PCDH11Y: variants seen among roughly 807,000 people sequenced by gnomAD.
PCDH11Y encodes the protein protocadherin-11 Y-linked.
For missense variants in PCDH11Y, 12 were observed against 224.8 expected (o/e 0.05, Z 6.05); for synonymous variants, 9 against 83.6 (o/e 0.11, Z 4.87).
At chrY:5,589,190 T>C (rs2053458428) in intron 4 of PCDH11Y, among the ~76,000 whole-genome samples, 1 of 32,954 alleles carries the variant, frequency 3.0e-5, no homozygotes, top group Admixed American at 2.8e-4. Context: ...ATAATTCCCA[T>C]GGGTTGTGGG....
rs1261266115 is a variant in PCDH11Y at position 5,278,151 on chromosome Y, CT to C, written c.3129+177463del. On this transcript the variant is annotated intron_variant, in intron 2 of 4. Transcript: ENST00000400457. The stretch of plus-strand genomic sequence containing the variant: ...CGGAAGAACTGACATTGAACTGAGT[CT>C]TTTTTTTTTTTTTTTTTTAAGACAG... Among the ~76,000 whole-genome samples, 104 of 21,489 alleles carry C rather than the reference CT, an allele frequency of 4.8e-3. No homozygotes were observed. The East Asian group carries it at 0.08, about 17-fold the overall frequency. The allele number at this position is 21,489 out of a possible 37,273, so 57.7% of individuals were successfully genotyped here. A position where few individuals can be genotyped will look rare whatever the true frequency, so the allele number is the denominator to read the frequency against.
chrY:5,165,893 T>C, intron 2 of PCDH11Y, among the ~76,000 whole-genome samples: 1 of 32,603 alleles, frequency 3.1e-5, no homozygotes, highest in East Asian at 8.1e-4. Flanking sequence ...AGAAAGACAT[T>C]AAAAGAAGAA....
chrY:5,370,213 T>C, intron 2 of PCDH11Y, among the ~76,000 whole-genome samples: 1 of 33,034 alleles, frequency 3.0e-5, no homozygotes, highest in Non-Finnish European at 7.4e-5. Context: ...CCCAAATATC[T>C]ACAGCTTTTA....
rs2124648480 is a variant in PCDH11Y, at chrY:5,192,235, G to A, written c.3129+91528G>A. Reference sequence around the variant, plus strand: ...TTGTCTTCTACGAAACCAGTCCCTGGTGCCAAAAAGGTTGGGGACCACTGT... The same window carrying A: ...TTGTCTTCTACGAAACCAGTCCCTGATGCCAAAAAGGTTGGGGACCACTGT... On this transcript the variant is annotated intron_variant, in intron 2 of 4. Transcript: ENST00000400457. Among the ~76,000 whole-genome samples, 3 of 30,272 alleles carry A rather than the reference G, an allele frequency of 9.9e-5. No homozygotes were observed. The East Asian group carries it at 2.7e-3, about 27-fold the overall frequency. The allele number at this position is 30,272 out of a possible 37,273, so 81.2% of individuals were successfully genotyped here.
intron 2 of PCDH11Y, among the ~76,000 whole-genome samples, chrY:5,367,608 G>A (rs2053182140): frequency 1.1e-4 from 3 of 26,307 alleles, no homozygotes; most frequent in South Asian, 9.8e-4. Context: ...GGATGGTCTC[G>A]ATCTCCTGAC....
chrY:5,445,778 T>C, intron 2 of PCDH11Y, among the ~76,000 whole-genome samples: 2 of 33,138 alleles, frequency 6.0e-5, no homozygotes, highest in Non-Finnish European at 1.5e-4. Flanking sequence ...AATTATGATA[T>C]TGAAGTTATG....
At chrY:5,557,520 G>T (rs2053424068) in intron 3 of PCDH11Y, among the ~76,000 whole-genome samples, 1 of 34,042 alleles carries the variant, frequency 2.9e-5, no homozygotes, top group African/African-American at 1.1e-4. Flanking sequence ...CATTGATTTT[G>T]TATCCTGAAA....
At chrY:5,613,154 C>A (rs2053489689) in intron 4 of PCDH11Y, among the ~76,000 whole-genome samples, 2 of 32,057 alleles carry the variant, frequency 6.2e-5, no homozygotes, top group African/African-American at 2.5e-4. Flanking sequence ...GTGTGAACCA[C>A]CACACCCGGC....
intron 4 of PCDH11Y, among the ~76,000 whole-genome samples, chrY:5,643,513 T>C: frequency 3.2e-5 from 1 of 31,671 alleles, no homozygotes. Flanking sequence ...ATAAATCAGG[T>C]TAACAGGGGA....
chrY:5,488,345 T>C, intron 2 of PCDH11Y, among the ~76,000 whole-genome samples: 1 of 33,139 alleles, frequency 3.0e-5, no homozygotes, highest in African/African-American at 1.2e-4. Context: ...CCTGTACTTA[T>C]TTGTGACAAT....
intron 1 of PCDH11Y, among the ~76,000 whole-genome samples, chrY:5,093,742 CA>C (rs2052745037): frequency 7.6e-4 from 17 of 22,491 alleles, no homozygotes; most frequent in African/African-American, 1.9e-3. Flanking sequence ...AAATAAAAGA[CA>C]AAAAAAAAAA....
intron 2 of PCDH11Y, among the ~76,000 whole-genome samples, chrY:5,384,507 C>A (rs2124674738): frequency 3.4e-5 from 1 of 29,805 alleles, no homozygotes; most frequent in South Asian, 7.5e-4. Context: ...ATAAAAAACA[C>A]AAGTGTCTGT....
intron 2 of PCDH11Y, among the ~76,000 whole-genome samples, chrY:5,326,586 A>T (rs1602904851): frequency 6.3e-5 from 2 of 31,900 alleles, no homozygotes; most frequent in Non-Finnish European, 7.6e-5. Flanking sequence ...AGAAGGAAAT[A>T]TGGGGAAATG....
intron 2 of PCDH11Y, among the ~76,000 whole-genome samples, chrY:5,177,345 T>C: frequency 3.0e-5 from 1 of 33,366 alleles, no homozygotes; most frequent in Non-Finnish European, 7.4e-5. Context: ...ATCCCACTCC[T>C]GGGCATATAC....
intron 3 of PCDH11Y, among the ~76,000 whole-genome samples, chrY:5,044,226 C>A: frequency 3.1e-5 from 1 of 32,037 alleles, no homozygotes; most frequent in Non-Finnish European, 7.6e-5. Context: ...TTGATCTTTC[C>A]TGCTTTCTCT....
chrY:5,039,469 A>G, intron 3 of PCDH11Y, among the ~76,000 whole-genome samples: 1 of 33,412 alleles, frequency 3.0e-5, no homozygotes, highest in Non-Finnish European at 7.4e-5. Flanking sequence ...ATCTCTGAAA[A>G]GGAAATATAA....
chrY:5,342,771 T>A, intron 2 of PCDH11Y, among the ~76,000 whole-genome samples: 1 of 31,578 alleles, frequency 3.2e-5, no homozygotes, highest in Non-Finnish European at 7.6e-5. Flanking sequence ...TTTCCCTTCA[T>A]AATAATGTAC....
chrY:5,193,738 C>A, intron 2 of PCDH11Y, among the ~76,000 whole-genome samples: 2 of 33,283 alleles, frequency 6.0e-5, no homozygotes, highest in East Asian at 8.1e-4. Context: ...TTTATGTATT[C>A]AGTGACACCT....
At chrY:5,107,951 T>C (rs1187677913), downstream of PCDH11Y, among the ~76,000 whole-genome samples, 35 of 29,509 alleles carry the variant, frequency 1.2e-3, no homozygotes, top group East Asian at 1.8e-3. Context: ...CCCAGCTACT[T>C]GAGAGGCTGA....
Sources: gnomAD v4.1 joint callset for allele counts (sites outside exome capture counted in the v4.1 genomes callset) on GRCh38, gnomAD v4.1.1 for gene constraint, MANE v1.5 for transcripts, NCBI Gene and HGNC (gene_info 2026-07-23, HGNC 2026-07-21) for gene names.